RIMKLB: variants seen among roughly 807,000 people sequenced by gnomAD.
The protein encoded by RIMKLB is ribosomal modification protein rimK like family member B, also known as beta-citrylglutamate synthase B.
A neutral mutation model predicts 32.0 loss-of-function variants in RIMKLB; 7 were observed. That is an observed-to-expected ratio of 0.22 (90% CI 0.12 to 0.41). RIMKLB has a LOEUF of 0.41. Among genes scored for constraint, RIMKLB ranks in the 10% least tolerant of loss-of-function variants. The pLI is 1.00. For synonymous variants in RIMKLB, 172 were observed against 185.1 expected (o/e 0.93, Z 0.57); for missense variants, 289 against 498.7 (o/e 0.58, Z 4.00).
rs1944578841 is a variant in RIMKLB, at chr12:8,713,899, T to C, written c.33T>C (p.Phe11=). The change falls in exon 2 of 6, where the codon TTT becomes TTC. Residue 11 remains phenylalanine, a synonymous_variant. Transcript: ENST00000535829. ...GTTCTGTGGCTGCCAAGTTGTGGTT[T>C]TTGACAGATCGTCGCATCAGGGAAG... MCSSVAAKLW[F]LTDRRIREDY... is the part of the protein sequence containing the mutation. 4 of 1,614,036 alleles carry C rather than the reference T, an allele frequency of 2.5e-6. No homozygotes were observed. The highest frequency in any genetic ancestry group is 3.4e-6 in the Non-Finnish European group (4 of 1,179,998).
intron 2 of RIMKLB, among the ~76,000 whole-genome samples, chr12:8,730,712 T>C (rs1225622966): frequency 6.6e-6 from 1 of 152,186 alleles, no homozygotes; most frequent in Non-Finnish European, 1.5e-5. Flanking sequence ...ATACCATCTT[T>C]TCTACCATTT....
chr12:8,760,018 C>A (rs1030539955), intron 5 of RIMKLB, among the ~76,000 whole-genome samples: 2 of 152,134 alleles, frequency 1.3e-5, no homozygotes, highest in African/African-American at 4.8e-5. Context: ...CATATGCATA[C>A]GTGTGCCATG....
chr12:8,777,800 C>T, downstream of RIMKLB: 1 of 713,150 alleles, frequency 1.4e-6, no homozygotes, highest in Non-Finnish European at 1.8e-6. Flanking sequence ...AGTCTGCCTA[C>T]AGGTAATTTA....
At chr12:8,673,989 T>C in the RIMKLB span, among the ~76,000 whole-genome samples, 1 of 152,086 alleles carries the variant, frequency 6.6e-6, no homozygotes, top group East Asian at 1.9e-4. Context: ...GTCCCCACCA[T>C]GTTCTGTTGG....
intron 2 of RIMKLB, among the ~76,000 whole-genome samples, chr12:8,749,139 AC>A (rs2137706988): frequency 6.6e-6 from 1 of 152,312 alleles, no homozygotes; most frequent in Non-Finnish European, 1.5e-5. Context: ...ACAATATTAA[AC>A]TTTTCTCTTC....
At chr12:8,682,690 T>A (rs975070950) in intron 1 of RIMKLB, among the ~76,000 whole-genome samples, 1 of 149,508 alleles carries the variant, frequency 6.7e-6, no homozygotes, top group African/African-American at 2.5e-5. Flanking sequence ...GAGAACGGCG[T>A]GAACCCGGGA....
Position 8,753,928 on chromosome 12 carries a change from G to A in RIMKLB, c.532G>A (p.Ala178Thr), listed in dbSNP as rs61740936. 9.3e-6 allele frequency: 15 copies of A among 1,613,798 alleles called. No individual in the cohort carries two copies. Among genetic ancestry groups the A allele is most frequent in the Non-Finnish European group, 1.3e-5 (15 of 1,179,818 alleles). Reference protein sequence around the residue: ...VFLARDKHHLADLSHLIRHEA... With the variant: ...VFLARDKHHLTDLSHLIRHEA... ...CTTGGCTCGAGATAAGCACCATTTG[G>A]CTGATCTAAGCCATCTTATTCGCCA... is the stretch of plus-strand genomic sequence containing the variant. Residue 178 changes from alanine to threonine, a missense_variant, in exon 5 of 6, where the codon GCT (alanine) becomes ACT (threonine). Physicochemically the swap from Ala to Thr is moderately conservative, Grantham distance 58. Transcript: ENST00000535829.
chr12:8,744,147 G>A (rs1047469076), intron 2 of RIMKLB, among the ~76,000 whole-genome samples: 10 of 151,946 alleles, frequency 6.6e-5, no homozygotes, highest in Admixed American at 2.6e-4. Context: ...GATATTTGGT[G>A]AGTGCTCAAG....
chr12:8,743,592 G>A (rs1446057039), intron 2 of RIMKLB, among the ~76,000 whole-genome samples: 1 of 151,652 alleles, frequency 6.6e-6, no homozygotes, highest in African/African-American at 2.4e-5. Flanking sequence ...GAAGTTTATG[G>A]TAGGTCATAT....
intron 5 of RIMKLB, among the ~76,000 whole-genome samples, 197 bp downstream of exon 5, chr12:8,754,290 T>A (rs953651603): frequency 2.6e-5 from 4 of 152,316 alleles, no homozygotes; most frequent in Middle Eastern, 3.4e-3. Flanking sequence ...TAATTCTGTT[T>A]CACTGAATCA....
intron 2 of RIMKLB, among the ~76,000 whole-genome samples, chr12:8,747,038 C>T (rs11047039): frequency 6.6e-6 from 1 of 151,930 alleles, no homozygotes; most frequent in African/African-American, 2.4e-5. Flanking sequence ...CCAGGCCTGG[C>T]CAAAATTTTG....
intron 5 of RIMKLB, among the ~76,000 whole-genome samples, chr12:8,767,686 T>G (rs1950082212): frequency 6.6e-6 from 1 of 152,168 alleles, no homozygotes; most frequent in Admixed American, 6.5e-5. Context: ...GCTTTCTGCT[T>G]CTAGTCGGCC....
chr12:8,680,936 T>C (rs1942397810), upstream of RIMKLB, among the ~76,000 whole-genome samples: 1 of 152,032 alleles, frequency 6.6e-6, no homozygotes. Context: ...AAGCATTGTG[T>C]ATTACAAGCC....
chr12:8,684,375 G>A (rs2136534121), intron 1 of RIMKLB, among the ~76,000 whole-genome samples: 1 of 152,230 alleles, frequency 6.6e-6, no homozygotes, highest in South Asian at 2.1e-4. Flanking sequence ...CTTTCACTAT[G>A]TTGGCCAGGG....
chr12:8,726,004 T>C (rs2137182023), intron 2 of RIMKLB, among the ~76,000 whole-genome samples: 1 of 152,334 alleles, frequency 6.6e-6, no homozygotes, highest in African/African-American at 2.4e-5. Context: ...TGTGCCATCA[T>C]GCCCAGCTAA....
Position 8,777,126 on chromosome 12 carries a change from T to A in RIMKLB, c.*3342T>A. 2 of 985,438 alleles carry A rather than the reference T, an allele frequency of 2.0e-6. No homozygotes were observed. Among genetic ancestry groups the A allele is most frequent in the Non-Finnish European group, 2.4e-6 (2 of 829,730 alleles). 61.0% of individuals were successfully genotyped at this position (985,438 alleles called of 1,614,324 possible). A position where few individuals can be genotyped will look rare whatever the true frequency, so the allele number is the denominator to read the frequency against. On this transcript the variant is annotated 3_prime_UTR_variant, in exon 6 of 6. Transcript: ENST00000535829. Reference sequence around the variant, plus strand: ...TATTTGTTTGTTTGTTCAATTTTATTTAAGATTTGTTTTTGTTGTACTAGG... The same window carrying A: ...TATTTGTTTGTTTGTTCAATTTTATATAAGATTTGTTTTTGTTGTACTAGG...
At chr12:8,695,240 A>G (rs1942853761), upstream of RIMKLB, among the ~76,000 whole-genome samples, 1 of 138,890 alleles carries the variant, frequency 7.2e-6, no homozygotes, top group South Asian at 2.2e-4. Context: ...ACTTCCTGAA[A>G]AATATTAATT....
At chr12:8,719,948 T>C (rs1011841017) in intron 2 of RIMKLB, among the ~76,000 whole-genome samples, 1 of 152,206 alleles carries the variant, frequency 6.6e-6, no homozygotes, top group Non-Finnish European at 1.5e-5. Flanking sequence ...AGGTAGGGCC[T>C]GGTTGTGAGT....
At chr12:8,718,370 G>A (rs1241551762) in intron 2 of RIMKLB, among the ~76,000 whole-genome samples, 1 of 152,204 alleles carries the variant, frequency 6.6e-6, no homozygotes, top group African/African-American at 2.4e-5. Flanking sequence ...CTGCGGCTGG[G>A]CACAGTGGCT....
Sources: allele counts gnomAD v4.1 joint callset (sites outside exome capture counted in the v4.1 genomes callset), GRCh38; gene constraint gnomAD v4.1.1; transcripts MANE v1.5; gene names NCBI Gene and HGNC (gene_info 2026-07-23, HGNC 2026-07-21).